LUZP1: variants seen among roughly 807,000 people sequenced by gnomAD.
LUZP1 encodes leucine zipper protein 1.
LUZP1 carries 25 observed loss-of-function variants against 71.3 expected under a neutral mutation model. That is an observed-to-expected ratio of 0.35 (90% confidence interval 0.26 to 0.49). The LOEUF is 0.49. LUZP1 is among the 20% of genes least tolerant of loss of function. The pLI is 0.99. For missense variants in LUZP1, 1,142 were observed against 1,300.8 expected (o/e 0.88, Z 1.88); for synonymous variants, 481 against 506.4 (o/e 0.95, Z 0.67).
At chr1:23,110,065 T>C (rs888456508) in intron 2 of LUZP1, among the ~76,000 whole-genome samples, 7 of 152,196 alleles carry the variant, frequency 4.6e-5, no homozygotes, top group African/African-American at 1.7e-4. Flanking sequence ...AATTTAAGTT[T>C]CAAGAAGTGA....
At position 23,112,761 on chromosome 1, in the gene LUZP1, T is replaced by G. The variant is rs146326490; in HGVS notation, c.-225-3634A>C. Among the ~76,000 whole-genome samples, 350 of 152,196 alleles carry G rather than the reference T, an allele frequency of 2.3e-3. 5 individuals carry two copies. The highest frequency in any genetic ancestry group is 7.9e-3 in the African/African-American group (327 of 41,532). ...GAAGTTCCAATCAAAAAACAAACCC[T>G]AGGCTTTCTGTCCTGAAGAAATAGC... On this transcript the variant is annotated intron_variant, in intron 2 of 4. Coordinates refer to ENST00000302291, the Ensembl canonical transcript of LUZP1.
exon 5 of LUZP1, chr1:23,088,902 T>G (rs1643809239): frequency 6.2e-7 from 1 of 1,613,890 alleles, no homozygotes. Context: ...GGCTCAGTTC[T>G]CCTCAGCACA....
At chr1:23,151,295 C>T (rs540489553) in intron 2 of LUZP1, among the ~76,000 whole-genome samples, 43 of 152,228 alleles carry the variant, frequency 2.8e-4, no homozygotes, top group Non-Finnish European at 5.1e-4. Flanking sequence ...CCGCCTGCCT[C>T]GGCCTCCCAA....
intron 1 of LUZP1, among the ~76,000 whole-genome samples, chr1:23,170,000 A>ACAC (rs1644540674): frequency 6.6e-6 from 1 of 150,962 alleles, no homozygotes; most frequent in Non-Finnish European, 1.5e-5. Flanking sequence ...ACACACACAC[A>ACAC]AAGTTTATCC....
rs993988003 is a variant in LUZP1 at position 23,103,088 on chromosome 1, T to C, written c.-120+5934A>G. On this transcript the variant is annotated intron_variant, in intron 3 of 4. Transcript: ENST00000302291. ...GCTGGGACTCAGACACATGCCACCA[T>C]GCCTGGCTAATTTTTCTCATTTTTT... Among the ~76,000 whole-genome samples, 6 of 145,638 alleles carry C rather than the reference T, an allele frequency of 4.1e-5. No individual in the cohort carries two copies. In the East Asian group the frequency reaches 1.2e-3, roughly 29 times the overall value.
chr1:23,116,830 ATG>A, intron 2 of LUZP1, among the ~76,000 whole-genome samples: 1 of 152,194 alleles, frequency 6.6e-6, no homozygotes, highest in East Asian at 1.9e-4. Flanking sequence ...AACTCAGAGA[ATG>A]TGACTTCCCT....
At chr1:23,126,489 G>A (rs1340482746) in intron 2 of LUZP1, among the ~76,000 whole-genome samples, 1 of 152,014 alleles carries the variant, frequency 6.6e-6, no homozygotes, top group African/African-American at 2.4e-5. Flanking sequence ...ATGGTTCTCA[G>A]TATTTCCTGA....
chr1:23,159,441 C>T (rs3845522), intron 2 of LUZP1, among the ~76,000 whole-genome samples: 49,719 of 152,018 alleles, frequency 0.33, 8,543 homozygotes, highest in East Asian at 0.45. Context: ...TTTTAAAAAA[C>T]CTCAGTATCT....
chr1:23,090,666 T>C (rs1479288026), intron 4 of LUZP1: 1 of 597,872 alleles, frequency 1.7e-6, no homozygotes, highest in Non-Finnish European at 3.0e-6. Context: ...TATACGCTTA[T>C]CTAAAATAGG....
At chr1:23,147,612 C>CAAAAAAAAA (rs774893320) in intron 2 of LUZP1, among the ~76,000 whole-genome samples, 2 of 61,468 alleles carry the variant, frequency 3.3e-5, no homozygotes, top group Non-Finnish European at 5.9e-5. Context: ...AGTCTCTACC[C>CAAAAAAAAA]AAAAAAAAAA....
chr1:23,132,865 T>C (rs1297692334), intron 2 of LUZP1, among the ~76,000 whole-genome samples: 1 of 152,230 alleles, frequency 6.6e-6, no homozygotes, highest in Non-Finnish European at 1.5e-5. Flanking sequence ...AAGAAGATTA[T>C]TAGGTGCAAT....
intron 2 of LUZP1, among the ~76,000 whole-genome samples, chr1:23,167,091 A>T (rs1644515791): frequency 6.6e-6 from 1 of 152,212 alleles, no homozygotes; most frequent in African/African-American, 2.4e-5. Context: ...TATTTCTGAC[A>T]AAAGAAGAAT....
intron 2 of LUZP1, among the ~76,000 whole-genome samples, chr1:23,149,887 G>A (rs998126043): frequency 2.0e-5 from 3 of 148,938 alleles, no homozygotes; most frequent in South Asian, 4.2e-4. Flanking sequence ...GCTTGAACCC[G>A]GGAAGCGGAG....
In LUZP1 at chr1:23,117,529, G is replaced by GGGA. The variant is rs371517574; in HGVS notation, c.-225-8403_-225-8402insTCC. On this transcript the variant is annotated intron_variant, in intron 2 of 4. Coordinates refer to ENST00000302291, the Ensembl canonical transcript of LUZP1. ...CCCTGGGGGGGGGGGCGGGGGGGGGGAACACCTTGAGAAAGTAACTTGCCC... is the reference window on the plus strand; with the variant it reads ...CCCTGGGGGGGGGGGCGGGGGGGGGGGGAAACACCTTGAGAAAGTAACTTGCCC... 4.3e-4 allele frequency among the ~76,000 whole-genome samples: 37 copies of GGGA among 85,600 alleles called. 2 individuals are homozygous for GGGA. Among genetic ancestry groups the GGGA allele is most frequent in the African/African-American group, 1.1e-3 (22 of 20,058 alleles). 56.2% of individuals were successfully genotyped at this position (85,600 alleles called of 152,430 possible).
chr1:23,150,355 G>C (rs923695766), intron 2 of LUZP1, among the ~76,000 whole-genome samples: 3 of 152,132 alleles, frequency 2.0e-5, no homozygotes, highest in Admixed American at 1.3e-4. Flanking sequence ...TGAATGACTA[G>C]AACTACAATG....
In LUZP1 at chr1:23,088,765, G is replaced by A. The variant is rs758285468; in HGVS notation, c.*130C>T. On this transcript the variant is annotated 3_prime_UTR_variant, in exon 5 of 5. Coordinates refer to ENST00000302291, the Ensembl canonical transcript of LUZP1. ...GCAAAAATTACCTGAGCCACAGCCC[G>A]GCTCTACCACAGTTTTCCAGCCAAG... 6.2e-5 allele frequency: 82 copies of A among 1,322,830 alleles called. No homozygotes were observed. In the Middle Eastern group the frequency reaches 1.1e-3, roughly 18 times the overall value. The allele number at this position is 1,322,830 out of a possible 1,614,324, so 81.9% of individuals were successfully genotyped here.
intron 2 of LUZP1, chr1:23,109,788 A>G (rs776685375): frequency 2.1e-4 from 32 of 152,200 alleles, no homozygotes; most frequent in Admixed American, 2.1e-3. Context: ...AAAATCTGAA[A>G]TCTAAAACAC....
At chr1:23,107,005 C>T (rs1643987901) in intron 3 of LUZP1, among the ~76,000 whole-genome samples, 1 of 152,228 alleles carries the variant, frequency 6.6e-6, no homozygotes, top group South Asian at 2.1e-4. Flanking sequence ...ATCTGCTGCT[C>T]CTTCCCTACT....
chr1:23,129,076 C>A (rs941768155), intron 2 of LUZP1, among the ~76,000 whole-genome samples: 4 of 152,160 alleles, frequency 2.6e-5, no homozygotes, highest in African/African-American at 9.7e-5. Context: ...GATGACATTG[C>A]TGAGACTGAT....
Sources: gnomAD v4.1 joint callset for allele counts (sites outside exome capture counted in the v4.1 genomes callset) on GRCh38, gnomAD v4.1.1 for gene constraint, MANE v1.5 for transcripts, NCBI Gene and HGNC (gene_info 2026-07-23, HGNC 2026-07-21) for gene names.